NRG3: variants seen among roughly 807,000 people sequenced by gnomAD.
The protein encoded by NRG3 is neuregulin 3.
NRG3 carries 31 observed loss-of-function variants against 66.9 expected under a neutral mutation model. That is an observed-to-expected ratio of 0.46 (90% CI 0.35 to 0.63). NRG3 has a LOEUF of 0.63. Among genes scored for constraint, NRG3 ranks in the 20% least tolerant of loss-of-function variants. The pLI is 0.00. For missense variants in NRG3, 910 were observed against 878.9 expected (o/e 1.04, Z -0.45); for synonymous variants, 393 against 359.4 (o/e 1.09, Z -1.06).
intron 1 of NRG3, among the ~76,000 whole-genome samples, chr10:81,908,066 C>T (rs1323366484): frequency 6.6e-6 from 1 of 152,100 alleles, no homozygotes; most frequent in South Asian, 2.1e-4. Flanking sequence ...GACTGATCTG[C>T]GCTCTCATAA....
intron 3 of NRG3, among the ~76,000 whole-genome samples, chr10:82,798,742 C>T (rs2060905343): frequency 6.6e-6 from 1 of 152,226 alleles, no homozygotes; most frequent in African/African-American, 2.4e-5. Flanking sequence ...CTGCAAGCTA[C>T]TGTGTATAAA....
intron 1 of NRG3, among the ~76,000 whole-genome samples, chr10:82,349,252 G>A (rs1190465471): frequency 1.3e-5 from 2 of 151,920 alleles, no homozygotes; most frequent in Admixed American, 6.6e-5. Context: ...TGGTGTGGAT[G>A]TCCTTTCTGT....
chr10:81,902,885 G>A (rs1010452137), intron 1 of NRG3, among the ~76,000 whole-genome samples: 2 of 152,092 alleles, frequency 1.3e-5, no homozygotes, highest in Non-Finnish European at 1.5e-5. Context: ...TAGTAAAATT[G>A]ACAACTAACT....
intron 1 of NRG3, among the ~76,000 whole-genome samples, chr10:81,947,748 T>C (rs1848978398): frequency 6.6e-6 from 1 of 152,050 alleles, no homozygotes; most frequent in Non-Finnish European, 1.5e-5. Context: ...AATCACTGAC[T>C]GTGGAAACAG....
chr10:82,013,243 T>C (rs1186300948), intron 1 of NRG3, among the ~76,000 whole-genome samples: 2 of 152,164 alleles, frequency 1.3e-5, no homozygotes. Flanking sequence ...AACTCTCATT[T>C]ATAAAACCAT....
At chr10:82,544,562 A>G (rs1275258700) in intron 2 of NRG3, among the ~76,000 whole-genome samples, 1 of 152,072 alleles carries the variant, frequency 6.6e-6, no homozygotes, top group African/African-American at 2.4e-5. Context: ...GTTTGTTCTC[A>G]CTTGTCCTCT....
chr10:82,820,014 G>C (rs1198260174), intron 3 of NRG3, among the ~76,000 whole-genome samples: 6 of 152,204 alleles, frequency 3.9e-5, no homozygotes, highest in African/African-American at 1.4e-4. Context: ...AGTGAACACA[G>C]ATGGGTCCGG....
intron 2 of NRG3, among the ~76,000 whole-genome samples, chr10:82,375,276 G>A (rs1386621919): frequency 1.3e-5 from 2 of 152,148 alleles, no homozygotes; most frequent in African/African-American, 4.8e-5. Flanking sequence ...GGTGGCTCAT[G>A]CCTGTAATCC....
In NRG3 at chr10:82,985,485, C is replaced by G. The variant is rs181087769; in HGVS notation, c.1971C>G (p.Thr657=). 5.6e-6 allele frequency: 9 copies of G among 1,614,028 alleles called. No individual in the cohort carries two copies. The highest frequency in any genetic ancestry group is 5.0e-5 in the Admixed American group (3 of 59,992). Residue 657 remains threonine (T), a synonymous_variant, in exon 9 of 9, where the codon ACC becomes ACG. Coordinates refer to ENST00000372141, the MANE Select transcript of NRG3 (RefSeq NM_001010848.4). ...ACTACGAACTGGCCAGCGTAGAAACCGAGGACAGTGCAAGCGAAAACACAG... is the reference window on the plus strand; with the variant it reads ...ACTACGAACTGGCCAGCGTAGAAACGGAGGACAGTGCAAGCGAAAACACAG... ...SEDYELASVE[T]EDSASENTAF...
chr10:82,788,439 G>A (rs2060457634), intron 3 of NRG3, among the ~76,000 whole-genome samples: 2 of 152,062 alleles, frequency 1.3e-5, no homozygotes, highest in South Asian at 2.1e-4. Flanking sequence ...GCATGGTGGT[G>A]CATGTCCGTA....
intron 1 of NRG3, among the ~76,000 whole-genome samples, chr10:81,918,467 T>C (rs1845913815): frequency 6.6e-6 from 1 of 152,176 alleles, no homozygotes; most frequent in African/African-American, 2.4e-5. Context: ...CTGCTTTTTA[T>C]CACGTACAAA....
intron 2 of NRG3, among the ~76,000 whole-genome samples, chr10:82,677,623 T>A (rs1042881674): frequency 6.6e-6 from 1 of 152,194 alleles, no homozygotes; most frequent in African/African-American, 2.4e-5. Context: ...ATAGAACTAT[T>A]AGCAGGGGCA....
At chr10:82,188,558 A>G (rs1450866752) in intron 1 of NRG3, among the ~76,000 whole-genome samples, 3 of 152,148 alleles carry the variant, frequency 2.0e-5, no homozygotes, top group African/African-American at 7.2e-5. Flanking sequence ...TCATCTGACA[A>G]GGAATCGATA....
At chr10:82,180,856 C>T (rs2073369538) in intron 1 of NRG3, among the ~76,000 whole-genome samples, 2 of 151,748 alleles carry the variant, frequency 1.3e-5, no homozygotes, top group Admixed American at 1.3e-4. Flanking sequence ...TAGAATTTAC[C>T]AGTGAAGCCA....
intron 2 of NRG3, among the ~76,000 whole-genome samples, chr10:82,658,483 T>C (rs1264401212): frequency 1.3e-5 from 2 of 152,090 alleles, no homozygotes; most frequent in African/African-American, 4.8e-5. Flanking sequence ...AAGATCAGGA[T>C]TCAGACAATA....
intron 1 of NRG3, among the ~76,000 whole-genome samples, chr10:82,223,650 C>T (rs1039413793): frequency 6.9e-6 from 1 of 145,500 alleles, no homozygotes; most frequent in East Asian, 2.0e-4. Flanking sequence ...CAAACACACA[C>T]ACACACACAC....
At chr10:81,923,540 C>T (rs775071809) in intron 1 of NRG3, among the ~76,000 whole-genome samples, 4 of 152,176 alleles carry the variant, frequency 2.6e-5, no homozygotes, top group Non-Finnish European at 5.9e-5. Flanking sequence ...GCAACAAAGC[C>T]TTCATGCGCT....
intron 1 of NRG3, among the ~76,000 whole-genome samples, chr10:81,991,628 T>C (rs1343181531): frequency 6.6e-6 from 1 of 152,186 alleles, no homozygotes; most frequent in African/African-American, 2.4e-5. Flanking sequence ...AAAGCCTATT[T>C]ACCAGTTCTG....
At chr10:81,949,899 C>T (rs542530150) in intron 1 of NRG3, among the ~76,000 whole-genome samples, 15 of 152,146 alleles carry the variant, frequency 9.9e-5, no homozygotes, top group Non-Finnish European at 1.5e-4. Flanking sequence ...GTTAATTGCA[C>T]CTACCTTTAT....
Sources: allele counts gnomAD v4.1 joint callset (sites outside exome capture counted in the v4.1 genomes callset), GRCh38; gene constraint gnomAD v4.1.1; transcripts MANE v1.5; gene names NCBI Gene and HGNC (gene_info 2026-07-23, HGNC 2026-07-21).